Variants in MYO18B observed in about 807,000 individuals in gnomAD.
The protein encoded by MYO18B is unconventional myosin-XVIIIb.
In MYO18B, 204 loss-of-function variants were observed where a neutral mutation model predicts 273.0. The ratio of observed to expected loss-of-function variants is 0.75; its 90% CI spans 0.67 to 0.84. MYO18B has a LOEUF of 0.84. Ranked by LOEUF, MYO18B falls within the 40% of genes least tolerant of loss-of-function variation. The pLI, the probability that MYO18B is intolerant of heterozygous loss-of-function variation, is 0.00. For synonymous variants in MYO18B, 1,330 were observed against 1,305.7 expected, an observed-to-expected ratio of 1.02 and a Z score of -0.40; for missense variants, 3,212 against 3,287.6, an observed-to-expected ratio of 0.98 and a Z score of 0.56.
intron 39 of MYO18B, among the ~76,000 whole-genome samples, chr22:25,961,266 C>T (rs1490815595): frequency 1.3e-5 from 2 of 151,690 alleles, no homozygotes; most frequent in African/African-American, 4.8e-5. Context: ...AAAGATCTTC[C>T]ATGGGTCATG....
At chr22:26,016,080 T>G (rs1935305800) in intron 42 of MYO18B, among the ~76,000 whole-genome samples, 1 of 152,234 alleles carries the variant, frequency 6.6e-6, no homozygotes, top group African/African-American at 2.4e-5. Flanking sequence ...AGATTTTCTG[T>G]CACTATTGCC....
At chr22:25,930,703 G>A (rs2092486869) in intron 34 of MYO18B, among the ~76,000 whole-genome samples, 1 of 151,822 alleles carries the variant, frequency 6.6e-6, no homozygotes, top group African/African-American at 2.4e-5. Context: ...TGAACTCCTG[G>A]GCTCAAGTGA....
intron 12 of MYO18B, among the ~76,000 whole-genome samples, chr22:25,803,676 C>T (rs1280990129): frequency 6.6e-6 from 1 of 152,078 alleles, no homozygotes; most frequent in Non-Finnish European, 1.5e-5. Context: ...CGTATCTAAG[C>T]CTCAGTTCTC....
At chr22:25,985,919 G>A (rs369053778) in intron 39 of MYO18B, among the ~76,000 whole-genome samples, 6 of 152,076 alleles carry the variant, frequency 3.9e-5, no homozygotes, top group South Asian at 2.1e-4. Context: ...GGCATGAGCC[G>A]CCCCGCCCAG....
intron 7 of MYO18B, among the ~76,000 whole-genome samples, chr22:25,773,490 GTC>G (rs1022825537): frequency 5.9e-5 from 9 of 152,256 alleles, no homozygotes; most frequent in Admixed American, 1.3e-4. Flanking sequence ...TTGAGACGGA[GTC>G]TCTCTGTGTC....
At chr22:25,953,835 A>G (rs2092819003) in intron 38 of MYO18B, among the ~76,000 whole-genome samples, 1 of 152,182 alleles carries the variant, frequency 6.6e-6, no homozygotes, top group Non-Finnish European at 1.5e-5. Context: ...TATGATTTGA[A>G]TTTAGTAGAA....
At chr22:25,984,803 G>GAAA (rs59242717) in intron 39 of MYO18B, among the ~76,000 whole-genome samples, 50 of 143,696 alleles carry the variant, frequency 3.5e-4, no homozygotes, top group Non-Finnish European at 6.4e-4. Context: ...CCATCTCTAA[G>GAAA]AAAAAAAAAA....
At chr22:25,972,450 A>T (rs1019669713) in intron 39 of MYO18B, among the ~76,000 whole-genome samples, 1 of 152,194 alleles carries the variant, frequency 6.6e-6, no homozygotes, top group African/African-American at 2.4e-5. Context: ...CGTGTGACTT[A>T]TGGCTTTACT....
chr22:25,817,326 T>C (rs1235255246), intron 12 of MYO18B, among the ~76,000 whole-genome samples: 1 of 151,686 alleles, frequency 6.6e-6, no homozygotes, highest in African/African-American at 2.4e-5. Flanking sequence ...CCTTCTTTTC[T>C]TTTCTTTTTC....
intron 39 of MYO18B, among the ~76,000 whole-genome samples, chr22:25,963,196 A>G (rs1306721636): frequency 6.6e-6 from 1 of 150,592 alleles, no homozygotes; most frequent in Non-Finnish European, 1.5e-5. Context: ...ACACACACAC[A>G]CACACACACA....
chr22:25,818,641 A>G (rs2089145611), intron 12 of MYO18B, among the ~76,000 whole-genome samples: 1 of 152,136 alleles, frequency 6.6e-6, no homozygotes, highest in African/African-American at 2.4e-5. Context: ...TATCCATTCC[A>G]CATGGCCTCT....
Position 26,003,116 on chromosome 22 carries a change from C to T in MYO18B, c.6288-149C>T, listed in dbSNP as rs1934113297. On this transcript the variant is annotated intron_variant, in intron 40 of 43. Transcript: ENST00000335473. ...ACATTTTAGGAAGGAAGAAAGGAAG[C>T]TCAGGGAAGGCAAGTGACTTCCCTG... The T allele has an allele frequency of 1.3e-5, 9 of 699,656 alleles. No individual in the cohort carries two copies. The South Asian group carries it at 1.4e-4, about 11-fold the overall frequency. The allele number at this position is 699,656 out of a possible 1,614,324, so 43.3% of individuals were successfully genotyped here. A position where few individuals can be genotyped will look rare whatever the true frequency, so the allele number is the denominator to read the frequency against.
chr22:25,939,323 G>A (rs1421662165), intron 34 of MYO18B, among the ~76,000 whole-genome samples: 2 of 152,218 alleles, frequency 1.3e-5, no homozygotes, highest in Admixed American at 6.5e-5. Flanking sequence ...CCCCAATCAT[G>A]TCATCAAGAT....
At chr22:25,797,637 G>T (rs1016910587) in intron 11 of MYO18B, among the ~76,000 whole-genome samples, 1 of 152,132 alleles carries the variant, frequency 6.6e-6, no homozygotes, top group Non-Finnish European at 1.5e-5. Flanking sequence ...TCAAAGTCAA[G>T]GTCTGGGCTT....
chr22:25,984,194 C>T (rs2093177575), intron 39 of MYO18B, among the ~76,000 whole-genome samples: 1 of 152,170 alleles, frequency 6.6e-6, no homozygotes, highest in African/African-American at 2.4e-5. Flanking sequence ...TGTCATTTTA[C>T]CAGATGAGGA....
At chr22:26,058,043 C>G in the MYO18B span, among the ~76,000 whole-genome samples, 2 of 152,150 alleles carry the variant, frequency 1.3e-5, no homozygotes, top group Non-Finnish European at 2.9e-5. Flanking sequence ...TGAGATAAAA[C>G]TTATTCACTA....
intron 7 of MYO18B, among the ~76,000 whole-genome samples, chr22:25,776,593 G>A (rs1270386931): frequency 6.6e-6 from 1 of 152,072 alleles, no homozygotes; most frequent in Non-Finnish European, 1.5e-5. Flanking sequence ...GCAAAACTCT[G>A]TCTCAAAACA....
intron 42 of MYO18B, among the ~76,000 whole-genome samples, chr22:26,015,461 T>C (rs577164590): frequency 3.3e-5 from 5 of 152,336 alleles, no homozygotes; most frequent in African/African-American, 9.6e-5. Flanking sequence ...TATGGAATAC[T>C]ATGCAGCCAT....
chr22:25,822,093 C>T (rs1027934344), intron 12 of MYO18B, among the ~76,000 whole-genome samples: 1 of 152,174 alleles, frequency 6.6e-6, no homozygotes, highest in Non-Finnish European at 1.5e-5. Flanking sequence ...CAAAGAGTGG[C>T]TCTCCATTGA....
Sources: allele counts gnomAD v4.1 joint callset (sites outside exome capture counted in the v4.1 genomes callset), GRCh38; gene constraint gnomAD v4.1.1; transcripts MANE v1.5; gene names NCBI Gene and HGNC (gene_info 2026-07-23, HGNC 2026-07-21).